The following ZNF611 variants were observed in gnomAD, a reference collection of about 807,000 sequenced individuals.
The protein encoded by ZNF611 is zinc finger protein 611.
A neutral mutation model predicts 8.9 loss-of-function variants in ZNF611; 6 were observed. The observed-to-expected ratio is 0.68, with a 90% CI of 0.37 to 1.34. ZNF611 has a LOEUF of 1.34. Among genes scored for constraint, ZNF611 ranks in the 40% most tolerant of loss-of-function variants. The probability of loss-of-function intolerance (pLI) is 0.02; values close to 1 mark genes in which losing one functional copy is unlikely to be tolerated. For synonymous variants in ZNF611, 262 were observed against 279.7 expected (o/e 0.94, Z 0.63); for missense variants, 874 against 841.3 (o/e 1.04, Z -0.48).
intron 1 of ZNF611, among the ~76,000 whole-genome samples, chr19:52,732,686 C>G (rs1248276409): frequency 6.6e-6 from 1 of 151,324 alleles, no homozygotes; most frequent in African/African-American, 2.4e-5. Context: ...TAATCCCACC[C>G]GTAATCCCAG....
chr19:52,726,164 C>T (rs528050331), intron 3 of ZNF611, among the ~76,000 whole-genome samples: 2 of 152,324 alleles, frequency 1.3e-5, no homozygotes, highest in South Asian at 4.1e-4. Context: ...GCTTCAGAGA[C>T]TTCCCTAGAG....
chr19:52,733,276 C>T (rs2062436656), intron 1 of ZNF611, among the ~76,000 whole-genome samples: 1 of 152,050 alleles, frequency 6.6e-6, no homozygotes, highest in Admixed American at 6.6e-5. Context: ...ATGAACTCAC[C>T]CACTCATCTG....
chr19:52,730,532 A>G (rs1032114723), intron 1 of ZNF611, among the ~76,000 whole-genome samples: 1 of 151,636 alleles, frequency 6.6e-6, no homozygotes, highest in African/African-American at 2.4e-5. Context: ...GAATTTGGTC[A>G]TGGGTGTTGA....
At chr19:52,733,607 A>C (rs889917377) in intron 1 of ZNF611, among the ~76,000 whole-genome samples, 8 of 151,750 alleles carry the variant, frequency 5.3e-5, no homozygotes, top group South Asian at 2.1e-4. Context: ...CTGTGTCCAG[A>C]CCCTCTTTCT....
chr19:52,727,430 G>A (rs2062399820), intron 3 of ZNF611, among the ~76,000 whole-genome samples: 1 of 151,910 alleles, frequency 6.6e-6, no homozygotes, highest in Non-Finnish European at 1.5e-5. Context: ...CAGTCCTCAG[G>A]GAAGAGGACT....
rs1195759188 is a variant in ZNF611 at position 52,704,953 on chromosome 19, G to C, written c.2102C>G (p.Thr701Ser). The change falls in exon 6 of 6, where the codon ACT becomes AGT. Residue 701 changes from threonine to serine, a missense_variant. Coordinates refer to ENST00000652185, the MANE Select transcript of ZNF611 (RefSeq NM_001161499.2). Reference protein sequence around the residue: ...SHLSRHHRIHTGEKP With the variant: ...SHLSRHHRIHSGEKP ...TTCACATTTCTAAGGTTTCTCTCCA[G>C]TATGAATTCTATGATGACGTGAAAG... is the stretch of plus-strand genomic sequence containing the variant. 1.9e-6 allele frequency: 3 copies of C among 1,613,970 alleles called. No individual in the cohort carries two copies. In the African/African-American group the frequency reaches 4.0e-5, roughly 22 times the overall value.
chr19:52,706,028 A>T lies in ZNF611; in HGVS notation c.1027T>A (p.Tyr343Asn). The change falls in exon 6 of 6, where the codon TAC becomes AAC. Residue 343 changes from tyrosine (Y) to asparagine (N), a missense_variant. By Grantham distance (143) the Tyr-to-Asn change is moderately radical (BLOSUM62 -2). Transcript: ENST00000652185. ...DKAIDTGENP[Y>N]KCNECDKAFN... ...GCCTTGTCACATTCATTACACTTGT[A>T]AGGATTTTCTCCAGTATCAATTGCC... The T allele has an allele frequency of 6.2e-7, 1 of 1,614,194 alleles. No individual in the cohort carries two copies. Among genetic ancestry groups the T allele is most frequent in the Non-Finnish European group, 8.5e-7 (1 of 1,180,024 alleles).
At chr19:52,713,958 G>A in intron 5 of ZNF611, 57 bp downstream of exon 5, 1 of 1,600,418 alleles carries the variant, frequency 6.2e-7, no homozygotes, top group East Asian at 2.2e-5. Context: ...ACAAAGCCAG[G>A]ATGAGCCAAG....
intron 2 of ZNF611, among the ~76,000 whole-genome samples, chr19:52,729,520 AAAAG>A (rs1298742885): frequency 7.8e-6 from 1 of 127,876 alleles, no homozygotes; most frequent in Non-Finnish European, 1.8e-5. Context: ...AAAAAAAAAG[AAAAG>A]AAAGAAAAAG....
chr19:52,725,891 GGGACC>G (rs758421695), intron 3 of ZNF611, among the ~76,000 whole-genome samples: 3 of 152,138 alleles, frequency 2.0e-5, no homozygotes, highest in Non-Finnish European at 2.9e-5. Context: ...GGGCGGGGCC[GGGACC>G]GGACCTGTGC....
intron 4 of ZNF611, among the ~76,000 whole-genome samples, chr19:52,715,354 C>T (rs1368842972): frequency 6.6e-6 from 1 of 152,104 alleles, no homozygotes; most frequent in African/African-American, 2.4e-5. Flanking sequence ...ACTGGGGAGG[C>T]TGAGGCTGGA....
chr19:52,714,271 A>G, intron 4 of ZNF611, 130 bp from the exon 5 acceptor site: 1 of 1,479,296 alleles, frequency 6.8e-7, no homozygotes. Context: ...ATGTTAAGGT[A>G]TTTTTGAATA....
chr19:52,720,129 T>C (rs977115274), intron 3 of ZNF611, among the ~76,000 whole-genome samples: 5 of 152,250 alleles, frequency 3.3e-5, no homozygotes, highest in African/African-American at 1.2e-4. Context: ...GAAGAATTTT[T>C]CTTAGTACAG....
chr19:52,717,613 C>A, intron 3 of ZNF611: 2 of 879,896 alleles, frequency 2.3e-6, no homozygotes, highest in South Asian at 1.0e-4. Context: ...GAAATGGGAT[C>A]TGAGCAAATG....
intron 3 of ZNF611, among the ~76,000 whole-genome samples, chr19:52,725,514 T>C (rs943508575): frequency 6.6e-6 from 1 of 152,176 alleles, no homozygotes; most frequent in African/African-American, 2.4e-5. Flanking sequence ...CATTGCCCTA[T>C]AGCAGAAAGA....
chr19:52,706,410 A>C lies in ZNF611; in HGVS notation c.645T>G (p.Ser215=), dbSNP rs2062245173. 1.9e-6 allele frequency: 3 copies of C among 1,614,202 alleles called. No homozygotes were observed. Among genetic ancestry groups the C allele is most frequent in the Non-Finnish European group, 2.5e-6 (3 of 1,180,038 alleles). Reference sequence around the variant, plus strand: ...CTTCCTGTTTTTGTGGGAGTAATGAAGAATTCAGGGGATTATTCCCATAGT... The same window carrying C: ...CTTCCTGTTTTTGTGGGAGTAATGACGAATTCAGGGGATTATTCCCATAGT... ...SNNYGNNPLN[S]SLLPQKQEVH... Residue 215 remains serine (S), a synonymous_variant, in exon 6 of 6, where the codon TCT becomes TCG. Coordinates refer to ENST00000652185, the MANE Select transcript of ZNF611 (RefSeq NM_001161499.2).
chr19:52,716,605 T>C (rs1287224556), intron 3 of ZNF611, among the ~76,000 whole-genome samples: 1 of 151,868 alleles, frequency 6.6e-6, no homozygotes, highest in Non-Finnish European at 1.5e-5. Flanking sequence ...GGGCTGTGTG[T>C]AAGGAAAATA....
Position 52,714,124 on chromosome 19 carries a change from C to A in ZNF611, c.81G>T (p.Arg27=), listed in dbSNP as rs1404414045. 1.2e-6 allele frequency: 2 copies of A among 1,613,482 alleles called. No homozygotes were observed. Among genetic ancestry groups the A allele is most frequent in the African/African-American group, 2.7e-5 (2 of 74,844 alleles). The change falls in exon 5 of 6, where the codon CGG becomes CGT. Residue 27 remains arginine, a synonymous_variant. Coordinates refer to ENST00000652185, the MANE Select transcript of ZNF611 (RefSeq NM_001161499.2). ...CCAATGAGAATTCTATAGCCACATC[C>A]CGGAAAGTCAAGCGTCCCTAAAATG... is the stretch of plus-strand genomic sequence containing the variant. The part of the protein sequence containing the change: ...MALPQGRLTF[R]DVAIEFSLAE...
chr19:52,713,942 G>A (rs2062297339), intron 5 of ZNF611, 73 bp downstream of exon 5: 1 of 1,589,800 alleles, frequency 6.3e-7, no homozygotes, highest in East Asian at 2.2e-5. Context: ...AATCACAAAA[G>A]AGGATACAAA....
Sources: gnomAD v4.1 joint callset for allele counts (sites outside exome capture counted in the v4.1 genomes callset) on GRCh38, gnomAD v4.1.1 for gene constraint, MANE v1.5 for transcripts, NCBI Gene and HGNC (gene_info 2026-07-23, HGNC 2026-07-21) for gene names.